Variants in CDC45 observed in about 807,000 individuals in gnomAD.
CDC45 encodes cell division control protein 45 homolog.
In CDC45, 54 loss-of-function variants were observed where a neutral mutation model predicts 77.8. That is an observed-to-expected ratio of 0.69 (90% CI 0.56 to 0.87). The LOEUF (loss-of-function observed/expected upper bound fraction) is 0.87, where lower values mean the gene tolerates loss of function less well. Ranked by LOEUF, CDC45 falls within the 40% of genes least tolerant of loss-of-function variation. CDC45 has a pLI of 0.00. For missense variants in CDC45, 649 were observed against 721.6 expected, an observed-to-expected ratio of 0.90 and a Z score of 1.15; for synonymous variants, 260 against 272.1, an observed-to-expected ratio of 0.96 and a Z score of 0.44.
At chr22:19,489,648 A>C (rs2090125074) in intron 5 of CDC45, among the ~76,000 whole-genome samples, 1 of 152,234 alleles carries the variant, frequency 6.6e-6, no homozygotes, top group South Asian at 2.1e-4. Context: ...TTATACCTGC[A>C]TAAAAACAAA....
At chr22:19,500,267 CATT>C (rs1201294668) in intron 9 of CDC45, among the ~76,000 whole-genome samples, 3 of 152,188 alleles carry the variant, frequency 2.0e-5, no homozygotes, top group Admixed American at 2.0e-4. Flanking sequence ...TTCCTGCTCT[CATT>C]GTGCTCAGTG....
upstream of CDC45, chr22:19,479,500 C>T (rs1356043953): frequency 3.4e-6 from 2 of 582,472 alleles, no homozygotes; most frequent in African/African-American, 1.8e-5. Context: ...AGGACTCGGG[C>T]GGAACTAAGC....
intron 5 of CDC45, among the ~76,000 whole-genome samples, chr22:19,485,580 G>A (rs1217797469): frequency 1.3e-5 from 2 of 152,182 alleles, no homozygotes; most frequent in Admixed American, 1.3e-4. Context: ...TAAAGAGAAG[G>A]TAGGTTGTCT....
intron 5 of CDC45, among the ~76,000 whole-genome samples, chr22:19,488,696 A>G (rs1047173579): frequency 2.4e-4 from 37 of 152,346 alleles, no homozygotes; most frequent in African/African-American, 8.2e-4. Flanking sequence ...GTACAATTCA[A>G]TGAGATTTAA....
chr22:19,481,149 G>A lies in CDC45; in HGVS notation c.204+104G>A, dbSNP rs5746745. On this transcript the variant is annotated intron_variant, in intron 3 of 18. Coordinates refer to ENST00000263201, the MANE Select transcript of CDC45 (RefSeq NM_003504.5). ...AGATTAAGCGTGTATTTAAGTATCA[G>A]CTACATTAGGCAATATGGAAGAGAA... The A allele has an allele frequency of 0.049, 34,220 of 697,432 alleles. 1,209 individuals are homozygous for A. The highest frequency in any genetic ancestry group is 0.12 in the South Asian group (6,572 of 53,512). 43.2% of individuals were successfully genotyped at this position (697,432 alleles called of 1,614,324 possible).
In CDC45 at chr22:19,487,910, CAAAAAAA is replaced by C. The variant is rs11291499; in HGVS notation, c.486+3921_486+3927del. Among the ~76,000 whole-genome samples the C allele has an allele frequency of 3.9e-3, 268 of 68,766 alleles. 3 individuals are homozygous for C. The East Asian group carries it at 0.057, about 15-fold the overall frequency. The allele number at this position is 68,766 out of a possible 152,430, so 45.1% of individuals were successfully genotyped here. On this transcript the variant is annotated intron_variant, in intron 5 of 18. Coordinates refer to ENST00000263201, the MANE Select transcript of CDC45 (RefSeq NM_003504.5). The stretch of plus-strand genomic sequence containing the variant: ...TGGGCAACAGAGCAAGACTCCGTCT[CAAAAAAA>C]AAAAAAAAAAAAAAAGAGTTCTGCT...
At chr22:19,494,824 G>A (rs1036560512) in intron 6 of CDC45, among the ~76,000 whole-genome samples, 4 of 152,204 alleles carry the variant, frequency 2.6e-5, no homozygotes, top group Non-Finnish European at 1.5e-5. Context: ...AGGCCATCCA[G>A]CTGATGTTCC....
In CDC45 at chr22:19,480,162, T is replaced by C; in HGVS notation, c.56T>C (p.Val19Ala). The C allele has an allele frequency of 6.2e-7, 1 of 1,613,944 alleles. No homozygotes were observed. ...CGGTCTGCTCTTCCCCGATAGAGGG[T>C]CCTTCTCTTCGTGGCCTCGGACGTG... ...EFYEVVQSQR[V>A]LLFVASDVDA... The change falls in exon 2 of 19, where the codon GTC (valine) becomes GCC (alanine). Residue 19 changes from valine to alanine, a missense_variant. By Grantham distance (64) the Val-to-Ala change is moderately conservative. Transcript: ENST00000263201.
intron 12 of CDC45, 25 bp from the exon 13 acceptor site, chr22:19,508,505 A>G (rs988334418): frequency 1.2e-6 from 2 of 1,613,726 alleles, no homozygotes; most frequent in African/African-American, 1.3e-5. Flanking sequence ...TTTGAGGGTG[A>G]CAGCTGTGTT....
chr22:19,500,867 A>G (rs964826578), intron 9 of CDC45, among the ~76,000 whole-genome samples: 3 of 151,950 alleles, frequency 2.0e-5, no homozygotes, highest in African/African-American at 7.3e-5. Flanking sequence ...GGACATATGG[A>G]CCGCCTGGTC....
chr22:19,492,066 A>G (rs11704146), intron 5 of CDC45, among the ~76,000 whole-genome samples: 54,526 of 152,038 alleles, frequency 0.36, 11,928 homozygotes, highest in Non-Finnish European at 0.48. Flanking sequence ...TCGGCCTCCC[A>G]AAGTGTTGGG....
chr22:19,505,224 C>T, intron 9 of CDC45, 138 bp from the exon 10 acceptor site: 1 of 943,416 alleles, frequency 1.1e-6, no homozygotes. Context: ...GCTGCATGTC[C>T]TTAGTCCCTG....
At chr22:19,492,682 A>G (rs533366534) in intron 5 of CDC45, among the ~76,000 whole-genome samples, 2 of 152,262 alleles carry the variant, frequency 1.3e-5, no homozygotes, top group South Asian at 2.1e-4. Context: ...AAATGAAACC[A>G]GGAGATTTTT....
At chr22:19,490,193 A>G (rs1333526245) in intron 5 of CDC45, among the ~76,000 whole-genome samples, 1 of 152,186 alleles carries the variant, frequency 6.6e-6, no homozygotes, top group Non-Finnish European at 1.5e-5. Context: ...TTAAAACAGC[A>G]TACAGTTGGC....
chr22:19,516,404 C>T (rs569346183), intron 15 of CDC45, 123 bp from the exon 16 acceptor site: 3 of 796,172 alleles, frequency 3.8e-6, no homozygotes, highest in East Asian at 2.5e-5. Context: ...CAAGGCGTCT[C>T]CTGGTGACAG....
intron 9 of CDC45, among the ~76,000 whole-genome samples, chr22:19,503,580 G>A (rs560672518): frequency 2.6e-5 from 4 of 152,254 alleles, no homozygotes; most frequent in Admixed American, 2.6e-4. Flanking sequence ...TTCCTTCAGG[G>A]ATCCCTTTCA....
intron 17 of CDC45, among the ~76,000 whole-genome samples, chr22:19,517,312 A>C (rs1315270032): frequency 6.6e-6 from 1 of 152,108 alleles, no homozygotes; most frequent in African/African-American, 2.4e-5. Flanking sequence ...CCACCTCTCC[A>C]CAGGCCGGGG....
intron 13 of CDC45, among the ~76,000 whole-genome samples, chr22:19,510,541 C>T (rs949682121): frequency 2.0e-5 from 3 of 152,072 alleles, no homozygotes; most frequent in Non-Finnish European, 2.9e-5. Context: ...TTCCCTCGTC[C>T]GCCACCTGAG....
At chr22:19,495,793 G>T (rs2090231537) in intron 6 of CDC45, among the ~76,000 whole-genome samples, 188 bp from the exon 7 acceptor site, 1 of 152,180 alleles carries the variant, frequency 6.6e-6, no homozygotes, top group Non-Finnish European at 1.5e-5. Context: ...CTGCACTTCA[G>T]CCTGGGAGAC....
Sources: allele counts gnomAD v4.1 joint callset (sites outside exome capture counted in the v4.1 genomes callset), GRCh38; gene constraint gnomAD v4.1.1; transcripts MANE v1.5; gene names NCBI Gene and HGNC (gene_info 2026-07-23, HGNC 2026-07-21).